KCNN2: variants seen among roughly 807,000 people sequenced by gnomAD.
The protein encoded by KCNN2 is potassium calcium-activated channel subfamily N member 2, also known as small conductance calcium-activated potassium channel protein 2.
In KCNN2, 24 loss-of-function variants were observed where a neutral mutation model predicts 55.5. The observed-to-expected ratio is 0.43, with a 90% CI of 0.31 to 0.61. KCNN2 has a LOEUF of 0.61. Ranked by LOEUF, KCNN2 falls within the 20% of genes least tolerant of loss-of-function variation. KCNN2 has a pLI of 0.08. For missense variants in KCNN2, 754 were observed against 853.6 expected (o/e 0.88, Z 1.45); for synonymous variants, 431 against 336.1 (o/e 1.28, Z -3.09).
chr5:114,147,098 T>A (rs192618419), intron 1 of KCNN2, among the ~76,000 whole-genome samples: 70 of 152,308 alleles, frequency 4.6e-4, no homozygotes, highest in African/African-American at 1.5e-3. Flanking sequence ...CAGAAGTGTA[T>A]GGAGTAGAAA....
intron 2 of KCNN2, among the ~76,000 whole-genome samples, chr5:114,255,002 T>C (rs1484417608): frequency 1.3e-5 from 2 of 152,202 alleles, no homozygotes; most frequent in African/African-American, 4.8e-5. Context: ...GGCCTCATCA[T>C]TTTTTGATGC....
At chr5:114,091,680 CTT>C (rs1337907915) in intron 1 of KCNN2, among the ~76,000 whole-genome samples, 2 of 152,156 alleles carry the variant, frequency 1.3e-5, no homozygotes, top group African/African-American at 4.8e-5. Flanking sequence ...GGCTGGGAAA[CTT>C]ATAATCATAG....
intron 1 of KCNN2, among the ~76,000 whole-genome samples, chr5:114,140,118 A>T (rs1752247217): frequency 6.6e-6 from 1 of 152,202 alleles, no homozygotes; most frequent in Admixed American, 6.5e-5. Context: ...GGAAGTTAAT[A>T]AAAATATTTT....
intron 2 of KCNN2, among the ~76,000 whole-genome samples, chr5:114,331,468 G>A (rs1294078180): frequency 1.3e-5 from 2 of 152,160 alleles, no homozygotes; most frequent in Non-Finnish European, 1.5e-5. Context: ...AAAGCATCGG[G>A]AAACAAAGAA....
intron 3 of KCNN2, among the ~76,000 whole-genome samples, chr5:114,451,421 A>G (rs541134080): frequency 2.3e-4 from 35 of 152,286 alleles, no homozygotes; most frequent in African/African-American, 8.2e-4. Flanking sequence ...TTACAGAACC[A>G]TGCCCCGCCA....
chr5:114,107,813 C>G (rs1172758128), intron 1 of KCNN2, among the ~76,000 whole-genome samples: 4 of 152,144 alleles, frequency 2.6e-5, no homozygotes, highest in African/African-American at 9.6e-5. Context: ...CAATTGACAA[C>G]TTTACAACAT....
At chr5:114,450,610 C>T (rs976503633) in intron 3 of KCNN2, among the ~76,000 whole-genome samples, 1 of 152,174 alleles carries the variant, frequency 6.6e-6, no homozygotes, top group African/African-American at 2.4e-5. Context: ...TTTCCAGTTT[C>T]ACTACTTTCC....
chr5:114,061,408 C>T (rs775956495), intron 1 of KCNN2, among the ~76,000 whole-genome samples: 13 of 152,244 alleles, frequency 8.5e-5, no homozygotes, highest in Non-Finnish European at 1.8e-4. Context: ...ATTTGATTTT[C>T]ACAACTTTAT....
At chr5:114,476,161 A>ATATC (rs1441421550) in intron 5 of KCNN2, among the ~76,000 whole-genome samples, 2 of 147,942 alleles carry the variant, frequency 1.4e-5, no homozygotes, top group African/African-American at 4.9e-5. Flanking sequence ...AGCATTAGGT[A>ATATC]TATCTCCCAA....
chr5:114,472,919 T>A, intron 4 of KCNN2, 135 bp from the exon 5 acceptor site: 1 of 503,592 alleles, frequency 2.0e-6, no homozygotes, highest in East Asian at 3.0e-5. Flanking sequence ...GATCACACAT[T>A]TTCTGTAATA....
At chr5:114,100,947 A>G (rs1457684753) in intron 1 of KCNN2, among the ~76,000 whole-genome samples, 1 of 151,774 alleles carries the variant, frequency 6.6e-6, no homozygotes. Context: ...TTAATATATC[A>G]ATATTGTAGA....
At chr5:114,173,550 A>G (rs1753082031) in intron 1 of KCNN2, among the ~76,000 whole-genome samples, 1 of 151,498 alleles carries the variant, frequency 6.6e-6, no homozygotes, top group Non-Finnish European at 1.5e-5. Context: ...ATTTTGATAG[A>G]GATTACATTG....
chr5:114,405,339 G>T (rs1758899169), intron 3 of KCNN2, among the ~76,000 whole-genome samples: 1 of 152,158 alleles, frequency 6.6e-6, no homozygotes, highest in African/African-American at 2.4e-5. Context: ...TACTTGATAA[G>T]GAGGTTATGG....
chr5:114,319,387 C>T (rs1474184456), intron 2 of KCNN2, among the ~76,000 whole-genome samples: 3 of 152,226 alleles, frequency 2.0e-5, no homozygotes, highest in East Asian at 3.9e-4. Flanking sequence ...CAGTTCATAC[C>T]CAGCCTTTGG....
rs1580736023 is a variant in KCNN2 at position 114,345,564 on chromosome 5, C to A, written c.-184-15381C>A. On this transcript the variant is annotated intron_variant, in intron 2 of 10. Coordinates refer to the KCNN2 transcript ENST00000512097. ...AAGCTAGCTGCATTACAGATAAGAA[C>A]AACACTGAAAGAGTTGGGGGGCAGA... is the stretch of plus-strand genomic sequence containing the variant. Among the ~76,000 whole-genome samples, 7 of 152,242 alleles carry A rather than the reference C, an allele frequency of 4.6e-5. No homozygotes were observed. The South Asian group carries it at 1.5e-3, about 32-fold the overall frequency.
chr5:114,421,675 T>A (rs1317775085), intron 3 of KCNN2, among the ~76,000 whole-genome samples: 1 of 151,922 alleles, frequency 6.6e-6, no homozygotes. Flanking sequence ...AATGGCATGT[T>A]CTCGGCTCAC....
At chr5:114,295,142 C>T (rs1396613048) in intron 2 of KCNN2, among the ~76,000 whole-genome samples, 1 of 152,160 alleles carries the variant, frequency 6.6e-6, no homozygotes, top group East Asian at 1.9e-4. Flanking sequence ...TTAGGCTGCT[C>T]AGGGCTCAGA....
At chr5:114,213,324 T>C (rs1006675153) in intron 1 of KCNN2, among the ~76,000 whole-genome samples, 1 of 151,694 alleles carries the variant, frequency 6.6e-6, no homozygotes, top group Non-Finnish European at 1.5e-5. Flanking sequence ...TAAAAATCTA[T>C]AAAATCTACA....
chr5:114,232,340 G>A (rs1477181410), intron 2 of KCNN2, among the ~76,000 whole-genome samples: 1 of 150,984 alleles, frequency 6.6e-6, no homozygotes, highest in African/African-American at 2.5e-5. Context: ...AAAAATTAAT[G>A]GTCCATCTTA....
Sources: gnomAD v4.1 joint callset for allele counts (sites outside exome capture counted in the v4.1 genomes callset) on GRCh38, gnomAD v4.1.1 for gene constraint, MANE v1.5 for transcripts, NCBI Gene and HGNC (gene_info 2026-07-23, HGNC 2026-07-21) for gene names.